The following KLHL3 variants were observed in gnomAD, a reference collection of about 807,000 sequenced individuals.
KLHL3 encodes kelch-like protein 3.
In KLHL3, 19 loss-of-function variants were observed where a neutral mutation model predicts 70.5. The observed-to-expected ratio is 0.27, with a 90% CI of 0.19 to 0.40. The LOEUF (loss-of-function observed/expected upper bound fraction) is 0.40, where lower values mean the gene tolerates loss of function less well. Ranked by LOEUF, KLHL3 falls within the 10% of genes least tolerant of loss-of-function variation. The pLI, the probability that KLHL3 is intolerant of heterozygous loss-of-function variation, is 1.00. For missense variants in KLHL3, 512 were observed against 771.1 expected (o/e 0.66, Z 3.98); for synonymous variants, 258 against 290.3 (o/e 0.89, Z 1.13).
Position 137,621,783 on chromosome 5 carries a change from C to T in KLHL3, c.*315G>A, listed in dbSNP as rs1750311873. ...ATAGAGAAACACCATGGTCTACACA[C>T]ACACACACACACACACACACTCCAG... On this transcript the variant is annotated 3_prime_UTR_variant, in exon 15 of 15. Coordinates refer to ENST00000309755, the MANE Select transcript of KLHL3 (RefSeq NM_017415.3). 1 of 345,916 alleles carries T rather than the reference C, an allele frequency of 2.9e-6. No individual in the cohort carries two copies. The highest frequency in any genetic ancestry group is 5.4e-6 in the Non-Finnish European group (1 of 185,512). The allele number at this position is 345,916 out of a possible 1,614,324, so 21.4% of individuals were successfully genotyped here. A position where few individuals can be genotyped will look rare whatever the true frequency, so the allele number is the denominator to read the frequency against.
At chr5:137,692,968 C>T (rs1752359517) in intron 4 of KLHL3, among the ~76,000 whole-genome samples, 1 of 152,092 alleles carries the variant, frequency 6.6e-6, no homozygotes, top group African/African-American at 2.4e-5. Flanking sequence ...GTGGCCTGGA[C>T]ATTAAGATGT....
intron 6 of KLHL3, chr5:137,672,633 G>A (rs1052360751): frequency 1.3e-5 from 2 of 152,178 alleles, no homozygotes; most frequent in Admixed American, 6.5e-5. Flanking sequence ...TTCATAAGAA[G>A]GCAAGAGATC....
intron 6 of KLHL3, among the ~76,000 whole-genome samples, chr5:137,666,754 A>G (rs1489192233): frequency 6.6e-6 from 1 of 152,160 alleles, no homozygotes; most frequent in Non-Finnish European, 1.5e-5. Context: ...TTTTTCATTC[A>G]GACTTCATGC....
At chr5:137,680,221 G>T (rs534334278) in intron 5 of KLHL3, among the ~76,000 whole-genome samples, 7 of 152,182 alleles carry the variant, frequency 4.6e-5, no homozygotes, top group South Asian at 2.1e-4. Flanking sequence ...ATTATTTGGG[G>T]TTTTTTGTTT....
intron 4 of KLHL3, among the ~76,000 whole-genome samples, chr5:137,697,739 C>T (rs1001582267): frequency 6.6e-6 from 1 of 152,106 alleles, no homozygotes; most frequent in Non-Finnish European, 1.5e-5. Flanking sequence ...AGTAGAATAT[C>T]TTCTAATTAT....
intron 3 of KLHL3, among the ~76,000 whole-genome samples, chr5:137,699,145 C>T (rs1270949596): frequency 6.6e-6 from 1 of 152,154 alleles, no homozygotes; most frequent in African/African-American, 2.4e-5. Flanking sequence ...CTCCTGGGAA[C>T]TCCAGTCAGG....
rs189064290 is a variant in KLHL3 at position 137,621,957 on chromosome 5, G to A, written c.*141C>T. 541 of 870,612 alleles carry A rather than the reference G, an allele frequency of 6.2e-4. 2 individuals are homozygous for A. In the East Asian group the frequency reaches 7.5e-3, roughly 12 times the overall value. 53.9% of individuals were successfully genotyped at this position (870,612 alleles called of 1,614,324 possible). The stretch of plus-strand genomic sequence containing the variant: ...GTCCACACTGCGATGAACAACACCA[G>A]TCTGCCAAGTCAGAGGAGAGCGGTT... On this transcript the variant is annotated 3_prime_UTR_variant, in exon 15 of 15. Transcript: ENST00000309755.
intron 2 of KLHL3, among the ~76,000 whole-genome samples, chr5:137,718,598 A>G (rs984803343): frequency 2.6e-5 from 4 of 152,256 alleles, no homozygotes; most frequent in Non-Finnish European, 1.5e-5. Flanking sequence ...CCTTTCAGGC[A>G]TCACTGGAGT....
intron 2 of KLHL3, among the ~76,000 whole-genome samples, chr5:137,716,904 C>T (rs553730870): frequency 3.4e-4 from 52 of 152,304 alleles, no homozygotes; most frequent in Admixed American, 7.8e-4. Flanking sequence ...GGGGGTCTAA[C>T]CAACCCCCCT....
intron 1 of KLHL3, among the ~76,000 whole-genome samples, chr5:137,728,724 C>T (rs556994230): frequency 6.6e-6 from 1 of 152,176 alleles, no homozygotes; most frequent in East Asian, 1.9e-4. Flanking sequence ...TCCAAGCAGG[C>T]TGATTGTGCA....
chr5:137,671,963 A>G (rs371127842), intron 6 of KLHL3: 3 of 152,362 alleles, frequency 2.0e-5, no homozygotes, highest in Admixed American at 1.3e-4. Context: ...CTGTTTAAAA[A>G]AAAAATGATG....
At chr5:137,699,072 C>T (rs1346598386) in intron 3 of KLHL3, among the ~76,000 whole-genome samples, 1 of 152,076 alleles carries the variant, frequency 6.6e-6, no homozygotes, top group Non-Finnish European at 1.5e-5. Context: ...ACTCTAGAGT[C>T]CATATTTGTA....
chr5:137,637,188 C>T (rs1031180229), intron 11 of KLHL3, 106 bp downstream of exon 11: 6 of 858,008 alleles, frequency 7.0e-6, no homozygotes, highest in Non-Finnish European at 1.2e-5. Context: ...GAGGAGTGAT[C>T]TCAGGAAAAA....
intron 6 of KLHL3, among the ~76,000 whole-genome samples, chr5:137,662,458 C>T (rs1446106449): frequency 2.0e-5 from 3 of 152,174 alleles, no homozygotes; most frequent in African/African-American, 7.2e-5. Context: ...CCCCATGCCC[C>T]CGTTTCCTCA....
At chr5:137,650,714 T>C (rs990579108) in intron 8 of KLHL3, among the ~76,000 whole-genome samples, 23 of 151,662 alleles carry the variant, frequency 1.5e-4, no homozygotes, top group Admixed American at 3.9e-4. Context: ...CCCAGCTACT[T>C]GGGTGGCTGA....
intron 14 of KLHL3, among the ~76,000 whole-genome samples, chr5:137,624,779 T>G (rs1003384479): frequency 6.6e-6 from 1 of 152,162 alleles, no homozygotes; most frequent in African/African-American, 2.4e-5. Context: ...GAAAACCAGA[T>G]ACAAGGAACT....
chr5:137,670,122 A>C (rs1273515444), intron 6 of KLHL3, among the ~76,000 whole-genome samples: 2 of 152,232 alleles, frequency 1.3e-5, no homozygotes, highest in African/African-American at 4.8e-5. Context: ...AGTAAAATCT[A>C]CATCTTCAAG....
intron 5 of KLHL3, among the ~76,000 whole-genome samples, chr5:137,687,069 TG>T (rs770013305): frequency 0.01 from 85 of 8,328 alleles, no homozygotes; most frequent in Non-Finnish European, 0.011. Flanking sequence ...GGGAGGGAGG[TG>T]GGGGGGGTCA....
intron 8 of KLHL3, among the ~76,000 whole-genome samples, chr5:137,649,931 C>T (rs1431041559): frequency 6.6e-6 from 1 of 152,184 alleles, no homozygotes; most frequent in South Asian, 2.1e-4. Flanking sequence ...CTGGGCAAAT[C>T]ACTCAGTCTT....
Sources: gnomAD v4.1 joint callset for allele counts (sites outside exome capture counted in the v4.1 genomes callset) on GRCh38, gnomAD v4.1.1 for gene constraint, MANE v1.5 for transcripts, NCBI Gene and HGNC (gene_info 2026-07-23, HGNC 2026-07-21) for gene names.